The following LCLAT1 variants were observed in gnomAD, a reference collection of about 807,000 sequenced individuals.
The protein encoded by LCLAT1 is 1-AGP acyltransferase 8.
In LCLAT1, 11 loss-of-function variants were observed where a neutral mutation model predicts 30.7. That is an observed-to-expected ratio of 0.36 (90% CI 0.23 to 0.59). The LOEUF is 0.59. Ranked by LOEUF, LCLAT1 falls within the 20% of genes least tolerant of loss-of-function variation. The pLI, the probability that LCLAT1 is intolerant of heterozygous loss-of-function variation, is 0.77. For synonymous variants in LCLAT1, 155 were observed against 151.3 expected (o/e 1.02, Z -0.18); for missense variants, 402 against 458.6 (o/e 0.88, Z 1.13).
intron 3 of LCLAT1, among the ~76,000 whole-genome samples, chr2:30,559,106 A>T (rs1440549085): frequency 6.6e-6 from 1 of 152,202 alleles, no homozygotes; most frequent in Non-Finnish European, 1.5e-5. Flanking sequence ...AGCAAAATAC[A>T]TAAGAATATA....
intron 5 of LCLAT1, among the ~76,000 whole-genome samples, chr2:30,614,541 A>C (rs1018744736): frequency 2.6e-5 from 4 of 152,170 alleles, no homozygotes; most frequent in Non-Finnish European, 5.9e-5. Flanking sequence ...AAGGAAAGGC[A>C]GTTTTGCCTT....
chr2:30,590,941 G>A (rs1666666823), intron 5 of LCLAT1, among the ~76,000 whole-genome samples: 1 of 152,116 alleles, frequency 6.6e-6, no homozygotes, highest in Non-Finnish European at 1.5e-5. Context: ...CTGTTCTGAT[G>A]TCCTAAATGT....
chr2:30,635,619 C>G lies in LCLAT1; in HGVS notation c.629-4498C>G, dbSNP rs985395619. ...AATATTACCTTTTTGTAAAGTGAAC[C>G]CTTTCCCCCTTCACAAGATTGTTAT... On this transcript the variant is annotated intron_variant, in intron 5 of 5. Transcript: ENST00000379509. Among the ~76,000 whole-genome samples the G allele has an allele frequency of 2.0e-5, 3 of 151,796 alleles. 1 individual carries two copies. The South Asian group carries it at 6.3e-4, about 32-fold the overall frequency.
chr2:30,524,343 T>C (rs779415309), intron 1 of LCLAT1, among the ~76,000 whole-genome samples: 7 of 152,206 alleles, frequency 4.6e-5, no homozygotes, highest in Non-Finnish European at 8.8e-5. Flanking sequence ...CAAGATGTTA[T>C]TTTCAGATTC....
At chr2:30,463,895 T>C (rs1682291028) in intron 1 of LCLAT1, among the ~76,000 whole-genome samples, 1 of 152,258 alleles carries the variant, frequency 6.6e-6, no homozygotes, top group Non-Finnish European at 1.5e-5. Flanking sequence ...ACGTTTATAC[T>C]ATTTCTAATT....
chr2:30,611,701 G>A (rs147296315), intron 5 of LCLAT1, among the ~76,000 whole-genome samples: 1 of 152,246 alleles, frequency 6.6e-6, no homozygotes, highest in African/African-American at 2.4e-5. Context: ...TAACTGGTCT[G>A]GGCTCTGGGC....
At chr2:30,551,793 TAA>T (rs1664692566) in intron 3 of LCLAT1, among the ~76,000 whole-genome samples, 1 of 152,196 alleles carries the variant, frequency 6.6e-6, no homozygotes. Flanking sequence ...ACATCAGTAC[TAA>T]GTCATCTTGT....
intron 1 of LCLAT1, among the ~76,000 whole-genome samples, chr2:30,469,814 C>T (rs1009452436): frequency 1.3e-5 from 2 of 151,984 alleles, no homozygotes; most frequent in East Asian, 1.9e-4. Flanking sequence ...AGGATGGTCT[C>T]GATCTCCTGA....
At chr2:30,508,105 C>G (rs1684762035) in intron 1 of LCLAT1, among the ~76,000 whole-genome samples, 1 of 148,968 alleles carries the variant, frequency 6.7e-6, no homozygotes, top group Non-Finnish European at 1.5e-5. Context: ...TGAAAAGTGT[C>G]TGTTCATGTC....
At chr2:30,637,394 A>G (rs995841368) in intron 5 of LCLAT1, among the ~76,000 whole-genome samples, 6 of 152,094 alleles carry the variant, frequency 3.9e-5, no homozygotes. Flanking sequence ...TATCATACTC[A>G]GTCTATCAGC....
chr2:30,463,883 G>A (rs967587176), intron 1 of LCLAT1, among the ~76,000 whole-genome samples: 2 of 152,128 alleles, frequency 1.3e-5, no homozygotes, highest in African/African-American at 4.8e-5. Flanking sequence ...CTCTGTTGAT[G>A]GACGTTTATA....
At chr2:30,496,356 T>C (rs1684116282) in intron 1 of LCLAT1, among the ~76,000 whole-genome samples, 1 of 152,202 alleles carries the variant, frequency 6.6e-6, no homozygotes, top group South Asian at 2.1e-4. Flanking sequence ...CAGCTCACTG[T>C]ACCTTTCGCC....
intron 5 of LCLAT1, among the ~76,000 whole-genome samples, chr2:30,622,100 C>T (rs1276821817): frequency 6.6e-6 from 1 of 152,140 alleles, no homozygotes; most frequent in Non-Finnish European, 1.5e-5. Flanking sequence ...AGAGTGAGAC[C>T]AGCCTTTCAG....
chr2:30,518,569 G>C (rs1319325329), intron 1 of LCLAT1, among the ~76,000 whole-genome samples: 1 of 152,182 alleles, frequency 6.6e-6, no homozygotes, highest in Non-Finnish European at 1.5e-5. Flanking sequence ...AATAGCCCCT[G>C]CAGTACTCCA....
chr2:30,643,794 C>T lies in LCLAT1; in HGVS notation c.*3175C>T, dbSNP rs1669433079. 1 of 152,542 alleles carries T rather than the reference C, an allele frequency of 6.6e-6. No individual in the cohort carries two copies. The highest frequency in any genetic ancestry group is 2.1e-4 in the South Asian group (1 of 4,834). The allele number at this position is 152,542 out of a possible 1,614,324, so 9.4% of individuals were successfully genotyped here. A position where few individuals can be genotyped will look rare whatever the true frequency, so the allele number is the denominator to read the frequency against. On this transcript the variant is annotated 3_prime_UTR_variant, in exon 6 of 6. Coordinates refer to ENST00000379509, the MANE Select transcript of LCLAT1 (RefSeq NM_001002257.3). ...ACAGCTCCCTTTCTGTTTCTTGTTC[C>T]AAGGATTCTGTAGTATGTAGTGTGT... is the stretch of plus-strand genomic sequence containing the variant.
In LCLAT1 at chr2:30,640,456, G is replaced by A; in HGVS notation, c.968G>A (p.Cys323Tyr). Reference protein sequence around the residue: ...LYWTLFSPAMCLLIYLYSLVK... With the variant: ...LYWTLFSPAMYLLIYLYSLVK... ...TGGACCCTGTTCAGCCCTGCAATGT[G>A]CCTACTCATATATTTGTACAGTCTT... Residue 323 changes from cysteine (C) to tyrosine (Y), a missense_variant, in exon 6 of 6, where the codon TGC (cysteine) becomes TAC (tyrosine). Coordinates refer to ENST00000379509, the MANE Select transcript of LCLAT1 (RefSeq NM_001002257.3). The A allele has an allele frequency of 6.2e-7, 1 of 1,614,140 alleles. No homozygotes were observed.
At position 30,542,998 on chromosome 2, in the gene LCLAT1, A is replaced by G. The variant is rs190845679; in HGVS notation, c.364+9684A>G. 1.7e-4 allele frequency among the ~76,000 whole-genome samples: 20 copies of G among 119,942 alleles called. No homozygotes were observed. The East Asian group carries it at 4.0e-3, about 24-fold the overall frequency. 78.7% of individuals were successfully genotyped at this position (119,942 alleles called of 152,430 possible). On this transcript the variant is annotated intron_variant, in intron 3 of 5. Coordinates refer to ENST00000379509, the MANE Select transcript of LCLAT1 (RefSeq NM_001002257.3). ...TTATTGCGGTGGCTATTCTTTTAGT[A>G]TAATGTTAAGTAGAAGTGTTGAGGG...
At chr2:30,601,776 T>TAAG (rs1487189640) in intron 5 of LCLAT1, among the ~76,000 whole-genome samples, 1 of 151,560 alleles carries the variant, frequency 6.6e-6, no homozygotes, top group Non-Finnish European at 1.5e-5. Context: ...ATGTTGTATA[T>TAAG]AAGTTCTCCA....
chr2:30,466,567 T>C, intron 1 of LCLAT1, among the ~76,000 whole-genome samples: 1 of 152,244 alleles, frequency 6.6e-6, no homozygotes, highest in South Asian at 2.1e-4. Context: ...TCAGTACAGC[T>C]TTGTATGAAT....
Sources: gnomAD v4.1 joint callset for allele counts (sites outside exome capture counted in the v4.1 genomes callset) on GRCh38, gnomAD v4.1.1 for gene constraint, MANE v1.5 for transcripts, NCBI Gene and HGNC (gene_info 2026-07-23, HGNC 2026-07-21) for gene names.